The following CNBD1 variants were observed in gnomAD, a reference collection of about 807,000 sequenced individuals.
CNBD1 encodes the protein cyclic nucleotide binding domain containing 1.
Under a neutral mutation model 54.4 loss-of-function variants are expected in CNBD1, and 71 were observed. The observed-to-expected ratio is 1.30, with a 90% CI of 1.08 to 1.59. The LOEUF (loss-of-function observed/expected upper bound fraction) is 1.59. Ranked by LOEUF, CNBD1 falls within the 40% of genes most tolerant of loss-of-function variation. CNBD1 has a pLI of 0.00. For missense variants in CNBD1, 659 were observed against 518.0 expected (o/e 1.27, Z -2.64); for synonymous variants, 182 against 170.7 (o/e 1.07, Z -0.51).
intron 2 of CNBD1, among the ~76,000 whole-genome samples, chr8:86,894,788 G>A (rs563637801): frequency 6.6e-6 from 1 of 151,868 alleles, no homozygotes; most frequent in Non-Finnish European, 1.5e-5. Flanking sequence ...GAATAATACT[G>A]TATATATTAT....
chr8:87,049,705 G>A (rs185831070), intron 4 of CNBD1, among the ~76,000 whole-genome samples: 24 of 152,298 alleles, frequency 1.6e-4, no homozygotes, highest in Non-Finnish European at 2.9e-4. Flanking sequence ...TTAGGCAAGG[G>A]CACATTTTTA....
intron 10 of CNBD1, 39 bp downstream of exon 10, chr8:87,353,825 A>G: frequency 2.7e-6 from 4 of 1,492,210 alleles, no homozygotes; most frequent in Middle Eastern, 4.3e-4. Context: ...ATACCATTTT[A>G]TTGGATGAGT....
intron 5 of CNBD1, among the ~76,000 whole-genome samples, chr8:87,207,743 C>A (rs1387969104): frequency 2.0e-5 from 3 of 151,970 alleles, no homozygotes; most frequent in Admixed American, 1.3e-4. Context: ...TTTGATGGCA[C>A]CTTAACTCAC....
intron 2 of CNBD1, among the ~76,000 whole-genome samples, chr8:87,394,854 C>T (rs1200070512): frequency 6.6e-6 from 1 of 151,698 alleles, no homozygotes; most frequent in Non-Finnish European, 1.5e-5. Context: ...GTATTTTACA[C>T]TATTTTTTAC....
chr8:87,310,711 T>A (rs927440382), intron 8 of CNBD1, among the ~76,000 whole-genome samples: 1 of 152,106 alleles, frequency 6.6e-6, no homozygotes, highest in Non-Finnish European at 1.5e-5. Context: ...GCCAGAGGCA[T>A]CACATGACCA....
intron 8 of CNBD1, among the ~76,000 whole-genome samples, chr8:87,327,775 C>A (rs372760613): frequency 6.6e-6 from 1 of 152,134 alleles, no homozygotes; most frequent in Admixed American, 6.5e-5. Context: ...GCGTCGCTCA[C>A]GCTGGGAGCT....
rs982101761 is a variant in CNBD1 at position 87,286,596 on chromosome 8, T to G, written c.967T>G (p.Tyr323Asp). 6.7e-7 allele frequency: 1 copy of G among 1,490,916 alleles called. No individual in the cohort carries two copies. The highest frequency in any genetic ancestry group is 2.0e-5 in the Admixed American group (1 of 51,072). 92.4% of individuals were successfully genotyped at this position (1,490,916 alleles called of 1,614,324 possible). Residue 323 changes from tyrosine (Y) to aspartate (D), a missense_variant, in exon 8 of 11, where the codon TAT (tyrosine) becomes GAT (aspartate). Transcript: ENST00000518476. Reference sequence around the variant, plus strand: ...GAAATTAATCCGTATGTGTCCTTATTATGAGGAATGGCCTACTTTATCCAT... The same window carrying G: ...GAAATTAATCCGTATGTGTCCTTATGATGAGGAATGGCCTACTTTATCCAT... The part of the protein sequence containing the change: ...KLKLIRMCPY[Y>D]EEWPTLSIYE...
chr8:87,070,255 C>T (rs923882927), intron 4 of CNBD1, among the ~76,000 whole-genome samples: 4 of 152,050 alleles, frequency 2.6e-5, no homozygotes, highest in African/African-American at 9.7e-5. Context: ...AACTCTAGTC[C>T]TACCCCGCAT....
intron 5 of CNBD1, among the ~76,000 whole-genome samples, chr8:87,230,408 A>C (rs1290756400): frequency 1.3e-5 from 2 of 152,202 alleles, no homozygotes; most frequent in Admixed American, 1.3e-4. Context: ...GTATATATTT[A>C]TCTATATATA....
intron 5 of CNBD1, among the ~76,000 whole-genome samples, chr8:87,217,246 G>T (rs1293291643): frequency 6.6e-6 from 1 of 152,046 alleles, no homozygotes; most frequent in East Asian, 1.9e-4. Flanking sequence ...TAGACCAAAA[G>T]TCAAAAGAAG....
intron 10 of CNBD1, among the ~76,000 whole-genome samples, chr8:87,355,121 C>T (rs183535476): frequency 3.0e-4 from 45 of 152,246 alleles, no homozygotes; most frequent in African/African-American, 1.1e-3. Context: ...AATTGGGATA[C>T]TCAAGTGAGT....
chr8:87,428,145 G>A (rs1393425778), intron 2 of CNBD1, among the ~76,000 whole-genome samples: 3 of 134,550 alleles, frequency 2.2e-5, no homozygotes, highest in Non-Finnish European at 3.2e-5. Flanking sequence ...CAAAAAAAAG[G>A]CAAAAAAAGA....
At chr8:87,397,372 A>T (rs1480792058) in intron 2 of CNBD1, among the ~76,000 whole-genome samples, 4 of 151,948 alleles carry the variant, frequency 2.6e-5, no homozygotes, top group Non-Finnish European at 5.9e-5. Context: ...ATAAGGCAAT[A>T]TTGATAAACC....
intron 2 of CNBD1, among the ~76,000 whole-genome samples, chr8:87,390,914 A>C (rs1000988753): frequency 2.0e-5 from 3 of 152,208 alleles, no homozygotes; most frequent in Admixed American, 6.5e-5. Context: ...TGCAGCCATA[A>C]AAAACGATGA....
chr8:87,208,693 T>C (rs1340976358), intron 5 of CNBD1, among the ~76,000 whole-genome samples: 3 of 152,080 alleles, frequency 2.0e-5, no homozygotes, highest in Non-Finnish European at 4.4e-5. Flanking sequence ...TTAAAACCCA[T>C]TTCTATAAAA....
chr8:86,968,341 G>A (rs1384016929), intron 4 of CNBD1, among the ~76,000 whole-genome samples: 2 of 152,136 alleles, frequency 1.3e-5, no homozygotes, highest in African/African-American at 2.4e-5. Flanking sequence ...TCACAAAAAT[G>A]TGAATTGCCC....
At chr8:86,994,622 T>G (rs1382547276) in intron 4 of CNBD1, among the ~76,000 whole-genome samples, 1 of 152,196 alleles carries the variant, frequency 6.6e-6, no homozygotes, top group Non-Finnish European at 1.5e-5. Context: ...GGGTTCTTTC[T>G]CTGTCCCTTG....
At position 87,292,210 on chromosome 8, in the gene CNBD1, A is replaced by G. The variant is rs1229495328; in HGVS notation, c.1042+5539A>G. Among the ~76,000 whole-genome samples the G allele has an allele frequency of 3.3e-5, 5 of 152,226 alleles. No individual in the cohort carries two copies. In the East Asian group the frequency reaches 5.8e-4, roughly 18 times the overall value. On this transcript the variant is annotated intron_variant, in intron 8 of 10. Coordinates refer to ENST00000518476, the MANE Select transcript of CNBD1 (RefSeq NM_173538.3). Reference sequence around the variant, plus strand: ...TGTTTTACAGAATTGCATCGTTGCAATAAATCAACCATTAATAATGCTGAA... The same window carrying G: ...TGTTTTACAGAATTGCATCGTTGCAGTAAATCAACCATTAATAATGCTGAA...
chr8:86,941,530 T>C (rs2130429287), intron 4 of CNBD1, among the ~76,000 whole-genome samples: 1 of 152,330 alleles, frequency 6.6e-6, no homozygotes, highest in East Asian at 1.9e-4. Context: ...CTGTCTTTTT[T>C]ACTATAGTGA....
Sources: allele counts gnomAD v4.1 joint callset (sites outside exome capture counted in the v4.1 genomes callset), GRCh38; gene constraint gnomAD v4.1.1; transcripts MANE v1.5; gene names NCBI Gene and HGNC (gene_info 2026-07-23, HGNC 2026-07-21).